Variants in MAML3 observed in about 807,000 individuals in gnomAD.
MAML3 encodes the protein mastermind-like protein 3.
A neutral mutation model predicts 101.9 loss-of-function variants in MAML3; 27 were observed. The observed-to-expected ratio is 0.27, with a 90% CI of 0.20 to 0.37. The LOEUF is 0.37. Among genes scored for constraint, MAML3 ranks in the 10% least tolerant of loss-of-function variants. The pLI, the probability that MAML3 is intolerant of heterozygous loss-of-function variation, is 1.00. For missense variants in MAML3, 1,316 were observed against 1,444.9 expected (o/e 0.91, Z 1.45); for synonymous variants, 501 against 555.9 (o/e 0.90, Z 1.39).
chr4:140,105,688 T>C (rs752840409), intron 1 of MAML3, among the ~76,000 whole-genome samples: 3 of 152,158 alleles, frequency 2.0e-5, no homozygotes, highest in Non-Finnish European at 4.4e-5. Flanking sequence ...TAAGTGAGCA[T>C]GTAACTCTGG....
At chr4:139,852,417 T>G (rs1307780758) in intron 2 of MAML3, among the ~76,000 whole-genome samples, 11 of 132,290 alleles carry the variant, frequency 8.3e-5, no homozygotes, top group East Asian at 4.1e-4. Context: ...TTTTTTTTTT[T>G]TTTTTTTTTT....
chr4:140,061,881 T>A (rs1578664735), intron 1 of MAML3, among the ~76,000 whole-genome samples: 1 of 152,314 alleles, frequency 6.6e-6, no homozygotes, highest in South Asian at 2.1e-4. Flanking sequence ...CAAACTCAAC[T>A]ATTTATGAGA....
At chr4:140,028,588 C>CT (rs1417386764) in intron 1 of MAML3, among the ~76,000 whole-genome samples, 1 of 152,050 alleles carries the variant, frequency 6.6e-6, no homozygotes, top group South Asian at 2.1e-4. Flanking sequence ...TTGTTTTCTT[C>CT]TTTTTTTAAT....
intron 1 of MAML3, among the ~76,000 whole-genome samples, chr4:140,071,898 T>C (rs998869544): frequency 6.6e-5 from 10 of 152,142 alleles, no homozygotes; most frequent in African/African-American, 2.4e-4. Context: ...GGCAGGCTGG[T>C]GTGGGGTGCA....
At chr4:140,001,924 A>T (rs1734931614) in intron 1 of MAML3, among the ~76,000 whole-genome samples, 1 of 152,260 alleles carries the variant, frequency 6.6e-6, no homozygotes, top group Admixed American at 6.5e-5. Flanking sequence ...GTATTATTTT[A>T]AAATTAATTT....
intron 2 of MAML3, among the ~76,000 whole-genome samples, chr4:139,796,007 T>C (rs1362558772): frequency 2.0e-5 from 3 of 152,226 alleles, no homozygotes; most frequent in Non-Finnish European, 2.9e-5. Flanking sequence ...GGGTAGCACG[T>C]GGTAACCTTT....
chr4:139,885,087 C>A (rs375249909), intron 2 of MAML3, among the ~76,000 whole-genome samples: 2 of 152,130 alleles, frequency 1.3e-5, no homozygotes, highest in African/African-American at 4.8e-5. Flanking sequence ...GGACTTGAAA[C>A]GTTCCCATCA....
chr4:140,003,663 G>C (rs1241003977), intron 1 of MAML3, among the ~76,000 whole-genome samples: 1 of 152,178 alleles, frequency 6.6e-6, no homozygotes, highest in East Asian at 1.9e-4. Context: ...CATTTTGCCA[G>C]CAACGTCTGT....
intron 1 of MAML3, among the ~76,000 whole-genome samples, chr4:140,036,405 G>T (rs767768219): frequency 3.9e-5 from 6 of 152,192 alleles, no homozygotes; most frequent in Non-Finnish European, 7.3e-5. Context: ...GAATACTACA[G>T]GGAGGATGAA....
intron 2 of MAML3, among the ~76,000 whole-genome samples, chr4:139,821,009 T>C (rs1387964527): frequency 1.3e-5 from 2 of 152,242 alleles, no homozygotes; most frequent in East Asian, 1.9e-4. Flanking sequence ...ATTTCTCAAG[T>C]ATCTGGTGAC....
intron 2 of MAML3, among the ~76,000 whole-genome samples, chr4:139,784,995 C>A (rs1730280967): frequency 6.6e-6 from 1 of 152,180 alleles, no homozygotes; most frequent in Non-Finnish European, 1.5e-5. Flanking sequence ...TATGTACATA[C>A]CTTATTCGGG....
chr4:139,943,072 G>A (rs908213114), intron 1 of MAML3, among the ~76,000 whole-genome samples: 1 of 151,848 alleles, frequency 6.6e-6, no homozygotes, highest in African/African-American at 2.4e-5. Flanking sequence ...GTGAAATGGG[G>A]GTGCTGACAA....
At chr4:139,841,424 G>A (rs1560810623) in intron 2 of MAML3, among the ~76,000 whole-genome samples, 3 of 152,124 alleles carry the variant, frequency 2.0e-5, no homozygotes, top group Admixed American at 1.3e-4. Flanking sequence ...ATAATCAAAC[G>A]AAGAAAAGAT....
At chr4:139,888,743 C>A in intron 2 of MAML3, 2 of 485,842 alleles carry the variant, frequency 4.1e-6, no homozygotes, top group Non-Finnish European at 4.1e-6. Context: ...GGTTTCATTG[C>A]ACTCCCAAGT....
chr4:140,087,874 A>G lies in MAML3; in HGVS notation c.468+64986T>C, dbSNP rs1428818703. On this transcript the variant is annotated intron_variant, in intron 1 of 4. Coordinates refer to ENST00000509479, the MANE Select transcript of MAML3 (RefSeq NM_018717.5). ...CAACCAACTCTTTACGATGAAAAAC[A>G]GAATTCTCTACTTCAGGAAAATGAG... Among the ~76,000 whole-genome samples, 3 of 152,220 alleles carry G rather than the reference A, an allele frequency of 2.0e-5. No individual in the cohort carries two copies. In the East Asian group the frequency reaches 5.8e-4, roughly 29 times the overall value.
At position 140,021,592 on chromosome 4, in the gene MAML3, TCC is replaced by T. The variant is rs1370516174; in HGVS notation, c.469-130627_469-130626del. 4.3e-3 allele frequency among the ~76,000 whole-genome samples: 651 copies of T among 152,260 alleles called. 6 individuals are homozygous for T. The highest frequency in any genetic ancestry group is 0.015 in the African/African-American group (607 of 41,544). On this transcript the variant is annotated intron_variant, in intron 1 of 4. Transcript: ENST00000509479. ...CCCATATTCCTTACCTAATTTTTTT[TCC>T]TTATTTTTAAAACAATGACCCAAGA...
At chr4:140,113,719 T>C (rs1254765687) in intron 1 of MAML3, among the ~76,000 whole-genome samples, 1 of 152,212 alleles carries the variant, frequency 6.6e-6, no homozygotes, top group Middle Eastern at 3.2e-3. Flanking sequence ...TAAGCTAACT[T>C]CACCTGTGCA....
chr4:139,787,360 T>C (rs75583277), intron 2 of MAML3, among the ~76,000 whole-genome samples: 1 of 152,246 alleles, frequency 6.6e-6, no homozygotes, highest in East Asian at 1.9e-4. Flanking sequence ...TCACTAAGTG[T>C]TGCCTTTTTA....
chr4:139,892,014 C>T (rs1489376613), intron 1 of MAML3, among the ~76,000 whole-genome samples: 1 of 152,180 alleles, frequency 6.6e-6, no homozygotes, highest in Non-Finnish European at 1.5e-5. Context: ...ACTCTACATT[C>T]TTTCTTAGAC....
Sources: gnomAD v4.1 joint callset for allele counts (sites outside exome capture counted in the v4.1 genomes callset) on GRCh38, gnomAD v4.1.1 for gene constraint, MANE v1.5 for transcripts, NCBI Gene and HGNC (gene_info 2026-07-23, HGNC 2026-07-21) for gene names.